The following UBE2W variants were observed in gnomAD, a reference collection of about 807,000 sequenced individuals.
UBE2W encodes ubiquitin conjugating enzyme E2 W.
In UBE2W, 18 loss-of-function variants were observed where a neutral mutation model predicts 27.2. That is an observed-to-expected ratio of 0.66 (90% CI 0.46 to 0.98). UBE2W has a LOEUF of 0.98. UBE2W is among the 50% of genes least tolerant of loss of function. The pLI is 0.00. For synonymous variants in UBE2W, 53 were observed against 57.2 expected (o/e 0.93, Z 0.33); for missense variants, 90 against 180.2 (o/e 0.50, Z 2.87).
At chr8:73,837,124 G>C (rs948652034) in intron 1 of UBE2W, among the ~76,000 whole-genome samples, 1 of 152,078 alleles carries the variant, frequency 6.6e-6, no homozygotes, top group African/African-American at 2.4e-5. Flanking sequence ...TGTGTCACTA[G>C]GAAAGAAAAA....
rs1808173477 is a variant in UBE2W, at chr8:73,791,157, G to A, written c.*2945C>T. The A allele has an allele frequency of 1.0e-6, 1 of 982,076 alleles. No individual in the cohort carries two copies. The highest frequency in any genetic ancestry group is 1.2e-6 in the Non-Finnish European group (1 of 827,908). 60.8% of individuals were successfully genotyped at this position (982,076 alleles called of 1,614,324 possible). ...TATTACAAGTAAGTCCTTCAGAAGT[G>A]AATATTAATTCCTTAAGAGAACCAT... is the stretch of plus-strand genomic sequence containing the variant. On this transcript the variant is annotated 3_prime_UTR_variant, in exon 6 of 6. Transcript: ENST00000602593.
chr8:73,784,633 A>G (rs2130826795), downstream of UBE2W, among the ~76,000 whole-genome samples: 1 of 152,256 alleles, frequency 6.6e-6, no homozygotes, highest in African/African-American at 2.4e-5. Flanking sequence ...CAGGGACCAC[A>G]CCTTAATCCA....
In UBE2W at chr8:73,791,499, AG is replaced by A; in HGVS notation, c.*2602del. On this transcript the variant is annotated 3_prime_UTR_variant, in exon 6 of 6. Transcript: ENST00000602593. ...GAGGAAATGCAGGGAGGAGGCAAGT[AG>A]CATATTCCTATATACATTTTCTTGA... The A allele has an allele frequency of 2.0e-6, 2 of 985,308 alleles. No homozygotes were observed. The highest frequency in any genetic ancestry group is 2.4e-6 in the Non-Finnish European group (2 of 829,820). The allele number at this position is 985,308 out of a possible 1,614,324, so 61.0% of individuals were successfully genotyped here. A position where few individuals can be genotyped will look rare whatever the true frequency, so the allele number is the denominator to read the frequency against.
chr8:73,791,284 A>T lies in UBE2W; in HGVS notation c.*2818T>A, dbSNP rs1808182800. 25 of 983,342 alleles carry T rather than the reference A, an allele frequency of 2.5e-5. No individual in the cohort carries two copies. Among genetic ancestry groups the T allele is most frequent in the Non-Finnish European group, 3.0e-5 (25 of 829,414 alleles). 60.9% of individuals were successfully genotyped at this position (983,342 alleles called of 1,614,324 possible). A position where few individuals can be genotyped will look rare whatever the true frequency, so the allele number is the denominator to read the frequency against. The stretch of plus-strand genomic sequence containing the variant: ...TGACCAAAGAAAAAAAAAAAAAAGA[A>T]GGGCATCATGTTCATGATCTAAGCA... On this transcript the variant is annotated 3_prime_UTR_variant, in exon 6 of 6. Transcript: ENST00000602593.
At chr8:73,857,228 CAG>C (rs1435928494) in intron 1 of UBE2W, among the ~76,000 whole-genome samples, 3 of 151,860 alleles carry the variant, frequency 2.0e-5, no homozygotes, top group Admixed American at 1.3e-4. Context: ...ATATGCTGGT[CAG>C]AGTCATCAAC....
intron 1 of UBE2W, among the ~76,000 whole-genome samples, chr8:73,850,850 A>T (rs936983579): frequency 3.3e-5 from 5 of 150,288 alleles, no homozygotes; most frequent in African/African-American, 1.2e-4. Context: ...TATGATTTCT[A>T]TTTTTATATT....
intron 1 of UBE2W, among the ~76,000 whole-genome samples, chr8:73,863,293 T>C (rs1404148154): frequency 7.7e-5 from 11 of 142,790 alleles, no homozygotes; most frequent in East Asian, 2.0e-4. Context: ...ATGGATGAAA[T>C]TGGAAATCAT....
At chr8:73,868,869 T>C (rs1369798549) in intron 1 of UBE2W, among the ~76,000 whole-genome samples, 3 of 152,302 alleles carry the variant, frequency 2.0e-5, no homozygotes, top group South Asian at 2.1e-4. Flanking sequence ...TCCTCCTACA[T>C]GCAAGGTATA....
chr8:73,798,179 C>T (rs547087533), intron 5 of UBE2W, among the ~76,000 whole-genome samples: 21 of 152,152 alleles, frequency 1.4e-4, no homozygotes, highest in Admixed American at 1.2e-3. Flanking sequence ...TGTCTGTAGT[C>T]CCAGTTACTC....
At chr8:73,794,910 T>C (rs1394907439) in intron 5 of UBE2W, among the ~76,000 whole-genome samples, 2 of 140,292 alleles carry the variant, frequency 1.4e-5, no homozygotes, top group African/African-American at 5.2e-5. Context: ...CAAGTATAGA[T>C]ACATATGCAA....
At chr8:73,860,232 T>C (rs1317175240) in intron 1 of UBE2W, among the ~76,000 whole-genome samples, 1 of 152,148 alleles carries the variant, frequency 6.6e-6, no homozygotes, top group African/African-American at 2.4e-5. Context: ...CTGAAAGATG[T>C]GTATCATTAA....
At position 73,791,195 on chromosome 8, in the gene UBE2W, T is replaced by C. The variant is rs569376929; in HGVS notation, c.*2907A>G. The C allele has an allele frequency of 9.3e-5, 91 of 983,036 alleles. 2 individuals are homozygous for C. In the African/African-American group the frequency reaches 1.4e-3, roughly 15 times the overall value. 60.9% of individuals were successfully genotyped at this position (983,036 alleles called of 1,614,324 possible). ...TTAAGAGAACCATAAAATGTATTTT[T>C]AAAAAATTCTCTTAAAAACTGAAAA... On this transcript the variant is annotated 3_prime_UTR_variant, in exon 6 of 6. Coordinates refer to ENST00000602593, the MANE Select transcript of UBE2W (RefSeq NM_018299.6).
At chr8:73,856,192 A>G (rs1811290383) in intron 1 of UBE2W, among the ~76,000 whole-genome samples, 1 of 152,128 alleles carries the variant, frequency 6.6e-6, no homozygotes, top group Non-Finnish European at 1.5e-5. Context: ...TAACAAATAG[A>G]TTAAAACTCA....
At chr8:73,828,108 T>G (rs1270231576) in intron 2 of UBE2W, among the ~76,000 whole-genome samples, 1 of 152,096 alleles carries the variant, frequency 6.6e-6, no homozygotes, top group Non-Finnish European at 1.5e-5. Flanking sequence ...AGAGTAAGGA[T>G]GCAATGAGAC....
chr8:73,810,736 C>A, intron 3 of UBE2W, 107 bp from the exon 4 acceptor site: 1 of 836,460 alleles, frequency 1.2e-6, no homozygotes, highest in Non-Finnish European at 1.7e-6. Flanking sequence ...AAAAAACCAC[C>A]AAAATCAGTG....
rs774893428 is a variant in UBE2W, at chr8:73,788,133, TAAC to T, written c.*5966_*5968del. 1.5e-4 allele frequency: 144 copies of T among 982,408 alleles called. No individual in the cohort carries two copies. Among genetic ancestry groups the T allele is most frequent in the East Asian group, 6.8e-4 (6 of 8,790 alleles). 60.9% of individuals were successfully genotyped at this position (982,408 alleles called of 1,614,324 possible). A position where few individuals can be genotyped will look rare whatever the true frequency, so the allele number is the denominator to read the frequency against. On this transcript the variant is annotated 3_prime_UTR_variant, in exon 6 of 6. Coordinates refer to ENST00000602593, the MANE Select transcript of UBE2W (RefSeq NM_018299.6). ...ATTCAAGTCTACAGAAAAAATCCAA[TAAC>T]AACTGCTTTATTATTAAAAGTTATG...
chr8:73,794,980 A>G (rs570567277), intron 5 of UBE2W, among the ~76,000 whole-genome samples: 4 of 152,242 alleles, frequency 2.6e-5, no homozygotes, highest in Admixed American at 1.3e-4. Flanking sequence ...GCCTCAACAC[A>G]TATATATGTA....
intron 1 of UBE2W, among the ~76,000 whole-genome samples, chr8:73,864,360 G>A (rs991393416): frequency 6.6e-6 from 1 of 152,150 alleles, no homozygotes; most frequent in African/African-American, 2.4e-5. Context: ...TGCACCGGGT[G>A]ACAGAGTGAG....
intron 1 of UBE2W, among the ~76,000 whole-genome samples, chr8:73,838,612 A>G (rs902260741): frequency 9.1e-4 from 139 of 152,136 alleles, no homozygotes; most frequent in African/African-American, 7.2e-4. Flanking sequence ...TCAGTTCCTA[A>G]AACTTTTTTC....
Sources: gnomAD v4.1 joint callset for allele counts (sites outside exome capture counted in the v4.1 genomes callset) on GRCh38, gnomAD v4.1.1 for gene constraint, MANE v1.5 for transcripts, NCBI Gene and HGNC (gene_info 2026-07-23, HGNC 2026-07-21) for gene names.